VPS52: variants seen among roughly 807,000 people sequenced by gnomAD.
VPS52 encodes the protein vacuolar protein sorting-associated protein 52 homolog.
In VPS52, 56 loss-of-function variants were observed where a neutral mutation model predicts 98.7. The observed-to-expected ratio is 0.57, with a 90% CI of 0.46 to 0.71. The LOEUF (loss-of-function observed/expected upper bound fraction) is 0.71, where lower values mean the gene tolerates loss of function less well. Among genes scored for constraint, VPS52 ranks in the 30% least tolerant of loss-of-function variants. VPS52 has a pLI of 0.00. For synonymous variants in VPS52, 348 were observed against 346.4 expected, an observed-to-expected ratio of 1.00 and a Z score of -0.05; for missense variants, 742 against 925.9, an observed-to-expected ratio of 0.80 and a Z score of 2.58.
Position 33,271,658 on chromosome 6 carries a change from G to C in VPS52, c.18C>G (p.Thr6=). The C allele has an allele frequency of 6.2e-7, 1 of 1,609,664 alleles. No homozygotes were observed. Among genetic ancestry groups the C allele is most frequent in the Non-Finnish European group, 8.5e-7 (1 of 1,177,558 alleles). MAAAA[T]MAAAARELVL... ...CCAGTTCCCGGGCCGCAGCCGCCAT[G>C]GTCGCAGCGGCGGCCATTCCCCGCA... Residue 6 remains threonine (T), a synonymous_variant, in exon 1 of 20, where the codon ACC becomes ACG. Transcript: ENST00000445902.
At chr6:33,262,496 T>C (rs966667541) in intron 17 of VPS52, among the ~76,000 whole-genome samples, 8 of 152,240 alleles carry the variant, frequency 5.3e-5, no homozygotes, top group African/African-American at 1.9e-4. Flanking sequence ...AGCTACCATA[T>C]GATTCAGCAA....
chr6:33,255,043 T>C (rs1221290274), intron 17 of VPS52: 1 of 152,214 alleles, frequency 6.6e-6, no homozygotes, highest in Non-Finnish European at 1.5e-5. Flanking sequence ...AATTATTTCA[T>C]CTGTTTCTCC....
rs1400126860 is a variant in VPS52, at chr6:33,250,929, G to A, written c.2084C>T (p.Pro695Leu). ...YHRFHRVLSQ[P>L]QLRALPARAE... ...CCGGGCAGGGAGGGCTCGGAGCTGC[G>A]GCTGGGACAGCACCCGGTGGAAGCG... Residue 695 changes from proline to leucine, a missense_variant, in exon 20 of 20, where the codon CCG (proline) becomes CTG (leucine). Physicochemically the swap from Pro to Leu is moderately conservative, Grantham distance 98. Coordinates refer to ENST00000445902, the MANE Select transcript of VPS52 (RefSeq NM_022553.6). The A allele has an allele frequency of 5.0e-6, 8 of 1,613,072 alleles. No homozygotes were observed. The highest frequency in any genetic ancestry group is 2.2e-5 in the South Asian group (2 of 91,086).
chr6:33,269,411 C>G (rs1764726266), intron 5 of VPS52, 79 bp downstream of exon 5: 1 of 1,580,258 alleles, frequency 6.3e-7, no homozygotes, highest in African/African-American at 1.3e-5. Flanking sequence ...CATCTTGAGG[C>G]TGATGACCTA....
chr6:33,256,113 G>A (rs1339259984), intron 17 of VPS52, among the ~76,000 whole-genome samples: 1 of 151,892 alleles, frequency 6.6e-6, no homozygotes, highest in Non-Finnish European at 1.5e-5. Flanking sequence ...CTAAACATAC[G>A]TATTATACCC....
chr6:33,266,580 C>T lies in VPS52; in HGVS notation c.1258G>A (p.Gly420Ser). The part of the protein sequence containing the change: ...AAHDLFHAVM[G>S]RTLSMTLKHL... Reference sequence around the variant, plus strand: ...ACCAGGGTCATGCTGAGTGTACGGCCCATGACAGCATGGAACAGGTCGTGT... The same window carrying T: ...ACCAGGGTCATGCTGAGTGTACGGCTCATGACAGCATGGAACAGGTCGTGT... Residue 420 changes from glycine to serine, a missense_variant, in exon 12 of 20, where the codon GGC (glycine) becomes AGC (serine). Gly to Ser is a moderately conservative substitution (Grantham distance 56). Around this residue, in one of 2 missense-constraint regions of VPS52, gnomAD observed 590 missense variants for 793.3 expected, o/e 0.74. Coordinates refer to ENST00000445902, the MANE Select transcript of VPS52 (RefSeq NM_022553.6). 4 of 1,611,544 alleles carry T rather than the reference C, an allele frequency of 2.5e-6. No homozygotes were observed. The highest frequency in any genetic ancestry group is 3.4e-6 in the Non-Finnish European group (4 of 1,179,190).
Position 33,264,845 on chromosome 6 carries a change from C to T in VPS52, c.1337G>A (p.Cys446Tyr). 6.2e-7 allele frequency: 1 copy of T among 1,613,030 alleles called. No individual in the cohort carries two copies. The highest frequency in any genetic ancestry group is 8.5e-7 in the Non-Finnish European group (1 of 1,180,028). The part of the protein sequence containing the change: ...DCYDAIAVFL[C>Y]IHIVLRFRNI... Reference sequence around the variant, plus strand: ...ACGGAACCGGAGAACAATGTGGATACAGAGAAAAACAGCAATGGCATCGTA... The same window carrying T: ...ACGGAACCGGAGAACAATGTGGATATAGAGAAAAACAGCAATGGCATCGTA... Residue 446 changes from cysteine to tyrosine, a missense_variant, in exon 13 of 20, where the codon TGT becomes TAT. Cys to Tyr is a radical substitution (Grantham distance 194). Around this residue, in one of 2 missense-constraint regions of VPS52, gnomAD observed 590 missense variants for 793.3 expected, o/e 0.74. Transcript: ENST00000445902.
upstream of VPS52, chr6:33,271,947 G>C: frequency 9.5e-7 from 1 of 1,052,886 alleles, no homozygotes; most frequent in Non-Finnish European, 1.4e-6. Context: ...ACCGGAAGTT[G>C]TGGTACCCAA....
chr6:33,261,812 G>A (rs1763663780), intron 17 of VPS52, among the ~76,000 whole-genome samples: 1 of 151,888 alleles, frequency 6.6e-6, no homozygotes, highest in Non-Finnish European at 1.5e-5. Context: ...AGACAGAGCT[G>A]GGCAGATCAC....
At position 33,267,237 on chromosome 6, in the gene VPS52, A is replaced by C; in HGVS notation, c.1076T>G (p.Leu359Arg). The C allele has an allele frequency of 6.3e-7, 1 of 1,597,948 alleles. No individual in the cohort carries two copies. Among genetic ancestry groups the C allele is most frequent in the Non-Finnish European group, 8.5e-7 (1 of 1,172,532 alleles). The change falls in exon 11 of 20, where the codon CTT becomes CGT. Residue 359 changes from leucine to arginine, a missense_variant. Transcript: ENST00000445902. The surrounding 1 kb of genome is among the most constrained non-coding windows in gnomAD (Gnocchi z 4.2). ...GTGAGGCACCAGGATGGGGGCCTCA[A>C]GTTCAGTGGGGGAGATGACAGAGCC... ...TRGSVISPTELEAPILVPHTA... is the reference protein window; with the variant it reads ...TRGSVISPTEREAPILVPHTA...
At chr6:33,252,683 T>C (rs1188639316) in intron 17 of VPS52, among the ~76,000 whole-genome samples, 4 of 151,588 alleles carry the variant, frequency 2.6e-5, no homozygotes, top group Non-Finnish European at 5.9e-5. Context: ...TTTTTAGATA[T>C]GAAAAGCCAG....
At chr6:33,255,191 T>C (rs892406153) in intron 17 of VPS52, among the ~76,000 whole-genome samples, 1 of 152,150 alleles carries the variant, frequency 6.6e-6, no homozygotes, top group African/African-American at 2.4e-5. Context: ...AGAGAACACC[T>C]TGATAGCAGA....
intron 17 of VPS52, among the ~76,000 whole-genome samples, chr6:33,256,277 A>C (rs1269061951): frequency 2.0e-5 from 3 of 151,754 alleles, no homozygotes; most frequent in African/African-American, 7.3e-5. Flanking sequence ...CACTACAAAA[A>C]ATTAAATTTT....
intron 17 of VPS52, among the ~76,000 whole-genome samples, chr6:33,259,729 C>T (rs1208289359): frequency 1.3e-5 from 2 of 151,458 alleles, no homozygotes; most frequent in South Asian, 2.1e-4. Flanking sequence ...AAATCTGAAA[C>T]ATTTCTGATC....
chr6:33,251,690 A>T, intron 18 of VPS52, 54 bp from the exon 19 acceptor site: 1 of 1,492,526 alleles, frequency 6.7e-7, no homozygotes, highest in South Asian at 1.2e-5. Context: ...CTTCAACTCC[A>T]CTAAGTTCTC....
At position 33,269,044 on chromosome 6, in the gene VPS52, T is replaced by C. The variant is rs886534289; in HGVS notation, c.518A>G (p.Asp173Gly). The change falls in exon 6 of 20, where the codon GAT (aspartate) becomes GGT (glycine). Residue 173 changes from aspartate to glycine, a missense_variant. Transcript: ENST00000445902. ...AVRGKLGELV[D>G]GLVVPSALVT... ...CAGAGCAGAAGGCACCACCAGACCA[T>C]CAACAAGCTCCCCAAGTTTCCCCCG... 6 of 1,612,620 alleles carry C rather than the reference T, an allele frequency of 3.7e-6. No individual in the cohort carries two copies. Among genetic ancestry groups the C allele is most frequent in the Non-Finnish European group, 5.1e-6 (6 of 1,179,886 alleles).
chr6:33,267,090 A>G lies in VPS52; in HGVS notation c.1125+98T>C, dbSNP rs913891045. ...CTCCCAAGTCTAAGGGGATTAAGAC[A>G]GGGCCTGCAGGTTGGGAAGCTCTGC... On this transcript the variant is annotated intron_variant, in intron 11 of 19. Transcript: ENST00000445902. The surrounding 1 kb of genome is among the most constrained non-coding windows in gnomAD (Gnocchi z 4.2). 9.2e-6 allele frequency: 13 copies of G among 1,415,628 alleles called. No individual in the cohort carries two copies. In the African/African-American group the frequency reaches 1.9e-4, roughly 20 times the overall value. The allele number at this position is 1,415,628 out of a possible 1,614,324, so 87.7% of individuals were successfully genotyped here.
At chr6:33,253,124 G>A (rs1762505884) in intron 17 of VPS52, among the ~76,000 whole-genome samples, 1 of 152,040 alleles carries the variant, frequency 6.6e-6, no homozygotes, top group African/African-American at 2.4e-5. Flanking sequence ...CAGAGGAGAT[G>A]GAAGGGAAAT....
chr6:33,263,906 C>T (rs2150834059), intron 15 of VPS52, 27 bp from the exon 16 acceptor site: 2 of 1,613,942 alleles, frequency 1.2e-6, no homozygotes, highest in Non-Finnish European at 1.7e-6. Context: ...GAAGAGGTGA[C>T]ACCAGAAAGC....
Sources: gnomAD v4.1 joint callset for allele counts (sites outside exome capture counted in the v4.1 genomes callset) on GRCh38, gnomAD v4.1.1 for gene constraint, gnomAD v4.1.1 regional missense constraint, Gnocchi (gnomAD v3.1) non-coding constraint, MANE v1.5 for transcripts, NCBI Gene and HGNC (gene_info 2026-07-23, HGNC 2026-07-21) for gene names.